Variants in ADAMTS6 observed in about 807,000 individuals in gnomAD.
ADAMTS6 encodes the protein ADAM metallopeptidase with thrombospondin type 1 motif 6, also known as A disintegrin and metalloproteinase with thrombospondin motifs 6.
In ADAMTS6, 23 loss-of-function variants were observed where a neutral mutation model predicts 144.3. That is an observed-to-expected ratio of 0.16 (90% CI 0.11 to 0.23). The LOEUF is 0.23. Among genes scored for constraint, ADAMTS6 ranks in the 10% least tolerant of loss-of-function variants. The pLI, the probability that ADAMTS6 is intolerant of heterozygous loss-of-function variation, is 1.00. For missense variants in ADAMTS6, 999 were observed against 1,379.6 expected (o/e 0.72, Z 4.37); for synonymous variants, 444 against 457.5 (o/e 0.97, Z 0.38).
At chr5:65,378,901 A>T (rs1368414439) in intron 7 of ADAMTS6, among the ~76,000 whole-genome samples, 1 of 152,220 alleles carries the variant, frequency 6.6e-6, no homozygotes, top group Admixed American at 6.5e-5. Context: ...AAACTTCTGC[A>T]TACACTGATT....
chr5:65,369,106 G>C (rs1750585505), intron 7 of ADAMTS6, among the ~76,000 whole-genome samples: 1 of 152,100 alleles, frequency 6.6e-6, no homozygotes, highest in Non-Finnish European at 1.5e-5. Flanking sequence ...TGTAGTCCCA[G>C]CTACCCCAGA....
chr5:65,469,362 T>C (rs1280243157), intron 3 of ADAMTS6, among the ~76,000 whole-genome samples: 1 of 152,190 alleles, frequency 6.6e-6, no homozygotes, highest in Non-Finnish European at 1.5e-5. Flanking sequence ...ATGTGCTCAT[T>C]TCATCACCCT....
At chr5:65,425,436 C>T (rs1756431803) in intron 7 of ADAMTS6, among the ~76,000 whole-genome samples, 1 of 152,182 alleles carries the variant, frequency 6.6e-6, no homozygotes. Flanking sequence ...AGCCAATAAC[C>T]TCATCTTTTC....
chr5:65,412,687 T>C (rs1755150993), intron 7 of ADAMTS6, among the ~76,000 whole-genome samples: 1 of 152,120 alleles, frequency 6.6e-6, no homozygotes, highest in South Asian at 2.1e-4. Context: ...AATTTGGTTA[T>C]TAGAAAACTT....
Position 65,173,026 on chromosome 5 carries a change from A to AGT in ADAMTS6, c.2911-20_2911-19dup. 6.2e-7 allele frequency: 1 copy of AGT among 1,608,462 alleles called. No individual in the cohort carries two copies. The highest frequency in any genetic ancestry group is 8.5e-7 in the Non-Finnish European group (1 of 1,177,756). ...GGAGTACACTGGAAATAAAACAAAT[A>AGT]GTAATGAATCACGACAGTTTAAAGA... On this transcript the variant is annotated intron_variant, in intron 22 of 24. Coordinates refer to ENST00000381055, the MANE Select transcript of ADAMTS6 (RefSeq NM_197941.4).
At chr5:65,419,476 T>C (rs2150196125) in intron 7 of ADAMTS6, among the ~76,000 whole-genome samples, 1 of 152,248 alleles carries the variant, frequency 6.6e-6, no homozygotes, top group East Asian at 1.9e-4. Flanking sequence ...GACAGAATCA[T>C]TTGTACCCCA....
chr5:65,219,872 G>A lies in ADAMTS6; in HGVS notation c.2273-4385C>T, dbSNP rs897345503. Among the ~76,000 whole-genome samples the A allele has an allele frequency of 2.4e-4, 36 of 152,234 alleles. No homozygotes were observed. In the East Asian group the frequency reaches 4.6e-3, roughly 20 times the overall value. On this transcript the variant is annotated intron_variant, in intron 18 of 24. Transcript: ENST00000381055. Reference sequence around the variant, plus strand: ...CTATTGGGTTGGTGCAAAAGTAATCGCAGCTTTTGCCATTAATAAGAACAG... The same window carrying A: ...CTATTGGGTTGGTGCAAAAGTAATCACAGCTTTTGCCATTAATAAGAACAG...
chr5:65,222,473 T>C (rs1757395878), intron 18 of ADAMTS6, among the ~76,000 whole-genome samples: 1 of 152,196 alleles, frequency 6.6e-6, no homozygotes, highest in Non-Finnish European at 1.5e-5. Context: ...ATTGACTGTA[T>C]GTGTTTTTCA....
intron 22 of ADAMTS6, among the ~76,000 whole-genome samples, chr5:65,183,910 T>TAAACATC (rs1561257678): frequency 6.6e-6 from 1 of 152,302 alleles, no homozygotes; most frequent in East Asian, 1.9e-4. Flanking sequence ...AGAATAGTTA[T>TAAACATC]AAACATCAAA....
chr5:65,370,025 A>G (rs1750697996), intron 7 of ADAMTS6, among the ~76,000 whole-genome samples: 2 of 152,144 alleles, frequency 1.3e-5, no homozygotes, highest in Non-Finnish European at 1.5e-5. Context: ...AGAGTTTTAC[A>G]TGGAAACCAA....
chr5:65,242,306 T>C, intron 14 of ADAMTS6, 100 bp from the exon 15 acceptor site: 1 of 708,322 alleles, frequency 1.4e-6, no homozygotes, highest in Non-Finnish European at 2.2e-6. Context: ...ACTCACTACC[T>C]TATTCTGTGG....
chr5:65,187,255 A>G (rs1486920920), intron 22 of ADAMTS6, among the ~76,000 whole-genome samples: 1 of 152,188 alleles, frequency 6.6e-6, no homozygotes, highest in Admixed American at 6.5e-5. Flanking sequence ...TGTCTCATGG[A>G]TACTGAGGAG....
At chr5:65,370,881 A>T (rs913251100) in intron 7 of ADAMTS6, among the ~76,000 whole-genome samples, 8 of 152,250 alleles carry the variant, frequency 5.3e-5, no homozygotes, top group African/African-American at 1.9e-4. Flanking sequence ...CCTGTCTGAC[A>T]GCTTTGAAGA....
chr5:65,201,525 G>C (rs902519145), intron 20 of ADAMTS6, among the ~76,000 whole-genome samples: 1 of 152,122 alleles, frequency 6.6e-6, no homozygotes, highest in South Asian at 2.1e-4. Flanking sequence ...GTCGGGGGTG[G>C]TTAAGGGCAG....
chr5:65,349,621 G>A (rs1202138492), intron 7 of ADAMTS6, among the ~76,000 whole-genome samples: 3 of 151,974 alleles, frequency 2.0e-5, no homozygotes, highest in Non-Finnish European at 2.9e-5. Context: ...TTGGGAGGCC[G>A]AGGTGGGTGG....
chr5:65,423,616 T>A (rs891859053), intron 7 of ADAMTS6, among the ~76,000 whole-genome samples: 1 of 152,150 alleles, frequency 6.6e-6, no homozygotes, highest in Non-Finnish European at 1.5e-5. Flanking sequence ...TAAAAGCTAT[T>A]AAGATAAAAT....
At chr5:65,221,889 A>G (rs746455974) in intron 18 of ADAMTS6, among the ~76,000 whole-genome samples, 1 of 152,214 alleles carries the variant, frequency 6.6e-6, no homozygotes, top group Non-Finnish European at 1.5e-5. Context: ...TAATATTTAC[A>G]ATAGCACCAA....
In ADAMTS6 at chr5:65,242,116, G is replaced by A; in HGVS notation, c.1921C>T (p.Pro641Ser). The A allele has an allele frequency of 6.3e-7, 1 of 1,593,674 alleles. No homozygotes were observed. Among genetic ancestry groups the A allele is most frequent in the Non-Finnish European group, 8.6e-7 (1 of 1,167,258 alleles). ...PFRGKYYNWKPYTGGGVKPCA... is the reference protein window; with the variant it reads ...PFRGKYYNWKSYTGGGVKPCA... ...GGTTATACATTACCTCCAGTATAGGGTTTCCAGTTATAATACTTTCCTCGG... is the reference window on the plus strand; with the variant it reads ...GGTTATACATTACCTCCAGTATAGGATTTCCAGTTATAATACTTTCCTCGG... The change falls in exon 15 of 25, where the codon CCC becomes TCC. Residue 641 changes from proline (P) to serine (S), a missense_variant. Physicochemically the swap from Pro to Ser is moderately conservative, Grantham distance 74 (BLOSUM62 -1). Around this residue, in one of 3 missense-constraint regions of ADAMTS6, gnomAD observed 619 missense variants for 837.0 expected, o/e 0.74. Coordinates refer to ENST00000381055, the MANE Select transcript of ADAMTS6 (RefSeq NM_197941.4).
At chr5:65,376,589 T>C (rs756696151) in intron 7 of ADAMTS6, among the ~76,000 whole-genome samples, 4 of 152,166 alleles carry the variant, frequency 2.6e-5, no homozygotes, top group East Asian at 1.9e-4. Context: ...CCCAGAACTT[T>C]GGGAGGCCAA....
Sources: gnomAD v4.1 joint callset for allele counts (sites outside exome capture counted in the v4.1 genomes callset) on GRCh38, gnomAD v4.1.1 for gene constraint, gnomAD v4.1.1 regional missense constraint, MANE v1.5 for transcripts, NCBI Gene and HGNC (gene_info 2026-07-23, HGNC 2026-07-21) for gene names.